Variants in INPP4B observed in about 807,000 individuals in gnomAD.
INPP4B encodes the protein inositol polyphosphate-4-phosphatase type II B, also known as inositol polyphosphate 4-phosphatase type II.
A neutral mutation model predicts 122.5 loss-of-function variants in INPP4B; 55 were observed. The observed-to-expected ratio is 0.45, with a 90% CI of 0.36 to 0.56. The LOEUF is 0.56. INPP4B is among the 20% of genes least tolerant of loss of function. The pLI is 0.00. For missense variants in INPP4B, 1,000 were observed against 1,097.7 expected (o/e 0.91, Z 1.26); for synonymous variants, 403 against 388.7 (o/e 1.04, Z -0.43).
intron 5 of INPP4B, 31 bp from the exon 6 acceptor site, chr4:142,405,355 G>T (rs1367128901): frequency 7.7e-7 from 1 of 1,294,294 alleles, no homozygotes; most frequent in Non-Finnish European, 1.1e-6. Flanking sequence ...AGAAAGAAAA[G>T]AAACTAACAC....
At chr4:142,509,110 G>C (rs904418526) in intron 2 of INPP4B, among the ~76,000 whole-genome samples, 5 of 152,190 alleles carry the variant, frequency 3.3e-5, no homozygotes, top group Admixed American at 6.5e-5. Context: ...AATTTACAGA[G>C]TATCAAATGA....
chr4:142,306,227 T>C (rs1035026943), intron 8 of INPP4B, among the ~76,000 whole-genome samples: 1 of 63,350 alleles, frequency 1.6e-5, no homozygotes, highest in Non-Finnish European at 3.2e-5. Context: ...AAACTCCAAA[T>C]TGTTTTTTTT....
At chr4:142,817,656 A>C (rs2151142224) in intron 1 of INPP4B, among the ~76,000 whole-genome samples, 1 of 152,164 alleles carries the variant, frequency 6.6e-6, no homozygotes, top group South Asian at 2.1e-4. Flanking sequence ...TAAACCACAA[A>C]CCATGAAGCC....
chr4:142,233,750 T>C (rs1855484305), intron 12 of INPP4B, among the ~76,000 whole-genome samples: 2 of 152,154 alleles, frequency 1.3e-5, no homozygotes, highest in Admixed American at 6.5e-5. Context: ...CAATTTCCCA[T>C]TCTTAACATG....
intron 7 of INPP4B, among the ~76,000 whole-genome samples, chr4:142,343,239 A>G (rs911568194): frequency 5.3e-5 from 8 of 152,224 alleles, no homozygotes; most frequent in African/African-American, 1.9e-4. Context: ...TTATGGTCTC[A>G]GTTCATTCCT....
rs139221550 is a variant in INPP4B at position 142,123,316 on chromosome 4, A to G, written c.1993T>C (p.Tyr665His). The G allele has an allele frequency of 6.2e-7, 1 of 1,612,660 alleles. No individual in the cohort carries two copies. The highest frequency in any genetic ancestry group is 2.2e-5 in the East Asian group (1 of 44,822). ...QLHTVGLIVQ[Y>H]EGLLSTYSDE... ...CTGTATGTACTTAGCAGTCCTTCAT[A>G]TTGTACTATCAACCCCACTGTGTGA... The change falls in exon 20 of 26, where the codon TAT (tyrosine) becomes CAT (histidine). Residue 665 changes from tyrosine to histidine, a missense_variant. Transcript: ENST00000262992.
chr4:142,266,130 G>A (rs1012611305), intron 10 of INPP4B, among the ~76,000 whole-genome samples: 2 of 152,080 alleles, frequency 1.3e-5, no homozygotes, highest in African/African-American at 2.4e-5. Flanking sequence ...TTTAGCTTCC[G>A]AATCCTCCTT....
At chr4:142,594,289 G>A (rs184937002) in intron 2 of INPP4B, among the ~76,000 whole-genome samples, 2 of 152,172 alleles carry the variant, frequency 1.3e-5, no homozygotes, top group East Asian at 1.9e-4. Context: ...TGTGTTTACT[G>A]AGGCAAAGTA....
chr4:142,030,358 TA>T (rs1457663030), intron 25 of INPP4B: 46 of 1,435,382 alleles, frequency 3.2e-5, no homozygotes, highest in African/African-American at 4.3e-5. Context: ...GTTCACACAG[TA>T]AAAAAAATTC....
intron 10 of INPP4B, among the ~76,000 whole-genome samples, chr4:142,264,644 C>T (rs951335153): frequency 1.3e-5 from 2 of 151,970 alleles, no homozygotes; most frequent in Admixed American, 6.6e-5. Flanking sequence ...AGAAAGCAAA[C>T]GTATGTGAGA....
At chr4:142,782,014 G>A (rs1049585980) in intron 1 of INPP4B, among the ~76,000 whole-genome samples, 4 of 150,866 alleles carry the variant, frequency 2.7e-5, no homozygotes, top group African/African-American at 9.8e-5. Flanking sequence ...TAAGTTTTAG[G>A]GTACATGTGC....
At chr4:142,059,496 G>T (rs1759484883) in intron 25 of INPP4B, among the ~76,000 whole-genome samples, 1 of 152,124 alleles carries the variant, frequency 6.6e-6, no homozygotes, top group African/African-American at 2.4e-5. Flanking sequence ...TTTTTCATGA[G>T]AAGGAACACA....
chr4:142,445,295 CAT>C (rs145168429), intron 3 of INPP4B, among the ~76,000 whole-genome samples: 5,264 of 152,110 alleles, frequency 0.035, 198 homozygotes, highest in African/African-American at 0.073. Flanking sequence ...CAGTCTAGTA[CAT>C]ATGTTATTTG....
At chr4:142,140,283 G>A (rs1196833164) in intron 18 of INPP4B, among the ~76,000 whole-genome samples, 1 of 152,178 alleles carries the variant, frequency 6.6e-6, no homozygotes, top group Non-Finnish European at 1.5e-5. Flanking sequence ...TTTACAGCTG[G>A]ATAGATTAGG....
chr4:142,324,295 T>C (rs562813895), intron 7 of INPP4B, among the ~76,000 whole-genome samples: 11 of 152,104 alleles, frequency 7.2e-5, no homozygotes, highest in Admixed American at 1.3e-4. Context: ...GTATTACTTA[T>C]GCGTAGCCCT....
At chr4:142,156,711 T>C (rs936217659) in intron 17 of INPP4B, among the ~76,000 whole-genome samples, 1 of 152,110 alleles carries the variant, frequency 6.6e-6, no homozygotes, top group Non-Finnish European at 1.5e-5. Flanking sequence ...ATGCCATCAA[T>C]TTTGTCAACA....
chr4:142,131,094 G>A (rs1032638028), intron 18 of INPP4B, among the ~76,000 whole-genome samples: 1 of 152,176 alleles, frequency 6.6e-6, no homozygotes, highest in Non-Finnish European at 1.5e-5. Context: ...TGTGTTGACT[G>A]GAGGAGTCAC....
At chr4:142,844,901 T>C (rs1365761438) in intron 1 of INPP4B, among the ~76,000 whole-genome samples, 1 of 152,218 alleles carries the variant, frequency 6.6e-6, no homozygotes, top group Non-Finnish European at 1.5e-5. Context: ...GAATTTATCC[T>C]CTGTCTTTAG....
At position 142,082,153 on chromosome 4, in the gene INPP4B, G is replaced by T; in HGVS notation, c.2520C>A (p.Thr840=). The change falls in exon 25 of 26, where the codon ACC becomes ACA. Residue 840 remains threonine, a synonymous_variant. Transcript: ENST00000262992. ...ICRKLNGIRF[T]CCKSAKDRTS... ...TCCTGTCTTTGGCACTTTTACAACA[G>T]GTGAAACGAATACCATTCAGTTTGC... 6.5e-7 allele frequency: 1 copy of T among 1,532,174 alleles called. No individual in the cohort carries two copies. Among genetic ancestry groups the T allele is most frequent in the South Asian group, 1.2e-5 (1 of 80,292 alleles). 94.9% of individuals were successfully genotyped at this position (1,532,174 alleles called of 1,614,324 possible).
Sources: allele counts gnomAD v4.1 joint callset (sites outside exome capture counted in the v4.1 genomes callset), GRCh38; gene constraint gnomAD v4.1.1; transcripts MANE v1.5; gene names NCBI Gene and HGNC (gene_info 2026-07-23, HGNC 2026-07-21).